The following SBF2 variants were observed in gnomAD, a reference collection of about 807,000 sequenced individuals.
SBF2 encodes the protein myotubularin-related protein 13.
Under a neutral mutation model 225.2 loss-of-function variants are expected in SBF2, and 112 were observed. The observed-to-expected ratio is 0.50, with a 90% CI of 0.43 to 0.58. SBF2 has a LOEUF of 0.58. Among genes scored for constraint, SBF2 ranks in the 20% least tolerant of loss-of-function variants. The pLI, the probability that SBF2 is intolerant of heterozygous loss-of-function variation, is 0.00. For synonymous variants in SBF2, 763 were observed against 773.3 expected (o/e 0.99, Z 0.22); for missense variants, 1,996 against 2,206.2 (o/e 0.90, Z 1.91).
In SBF2 at chr11:9,918,293, T is replaced by TC. The variant is rs543569322; in HGVS notation, c.1861-22283dup. ...TACAAATCAGATTGCTTCTCTGTTT[T>TC]CCCCCCCATCCTCCTATTTTTAGCT... On this transcript the variant is annotated intron_variant, in intron 16 of 39. Coordinates refer to ENST00000256190, the MANE Select transcript of SBF2 (RefSeq NM_030962.4). Among the ~76,000 whole-genome samples the TC allele has an allele frequency of 2.2e-4, 33 of 152,040 alleles. 1 individual carries two copies. Among genetic ancestry groups the TC allele is most frequent in the Non-Finnish European group, 3.4e-4 (23 of 68,006 alleles).
At chr11:10,081,427 CA>C (rs1201597108) in intron 2 of SBF2, among the ~76,000 whole-genome samples, 2 of 152,184 alleles carry the variant, frequency 1.3e-5, no homozygotes, top group East Asian at 3.9e-4. Context: ...ACAGCAAAAG[CA>C]GTGCTAAGAG....
chr11:9,894,924 A>G (rs879636915), intron 17 of SBF2, among the ~76,000 whole-genome samples: 1 of 151,664 alleles, frequency 6.6e-6, no homozygotes, highest in Admixed American at 6.6e-5. Context: ...GGAGGTTGCA[A>G]TGAGCCGAGA....
rs1378054660 is a variant in SBF2, at chr11:9,829,424, A to G, written c.3725T>C (p.Val1242Ala). ...EKYLQALLNA[V>A]SVHQKLRGNS... Reference sequence around the variant, plus strand: ...GCCTCTGAGTTTCTGATGGACAGAAACAGCATTCAGTAAGGCTTGCAAGTA... The same window carrying G: ...GCCTCTGAGTTTCTGATGGACAGAAGCAGCATTCAGTAAGGCTTGCAAGTA... The change falls in exon 28 of 40, where the codon GTT becomes GCT. Residue 1242 changes from valine (V) to alanine (A), a missense_variant. By Grantham distance (64) the Val-to-Ala change is moderately conservative. Transcript: ENST00000256190. The G allele has an allele frequency of 3.7e-6, 6 of 1,613,922 alleles. No homozygotes were observed. Among genetic ancestry groups the G allele is most frequent in the Non-Finnish European group, 5.1e-6 (6 of 1,179,772 alleles).
At chr11:10,255,548 T>A (rs942703963) in intron 1 of SBF2, among the ~76,000 whole-genome samples, 1 of 152,226 alleles carries the variant, frequency 6.6e-6, no homozygotes, top group Non-Finnish European at 1.5e-5. Flanking sequence ...ATATTCGTTT[T>A]ACATAAACAA....
chr11:10,148,563 C>T (rs953214526), intron 2 of SBF2, among the ~76,000 whole-genome samples: 2 of 151,860 alleles, frequency 1.3e-5, no homozygotes, highest in African/African-American at 4.8e-5. Context: ...AGGAAGATTA[C>T]CAAAGGTCCC....
At chr11:10,137,479 T>C (rs188180942) in intron 2 of SBF2, among the ~76,000 whole-genome samples, 46 of 152,308 alleles carry the variant, frequency 3.0e-4, no homozygotes, top group African/African-American at 1.1e-3. Flanking sequence ...TTCTCAATCT[T>C]AGGGGGAAAG....
chr11:9,836,281 T>C (rs576644142), intron 26 of SBF2, among the ~76,000 whole-genome samples: 65 of 152,302 alleles, frequency 4.3e-4, no homozygotes, highest in South Asian at 1.0e-3. Context: ...TATTGTTTTA[T>C]TGTTTTAACC....
chr11:9,879,348 T>G (rs377058510), intron 17 of SBF2, among the ~76,000 whole-genome samples: 87 of 152,360 alleles, frequency 5.7e-4, no homozygotes, highest in African/African-American at 2.0e-3. Context: ...CTTTTCTCAA[T>G]TATGTTATTA....
intron 9 of SBF2, among the ~76,000 whole-genome samples, chr11:9,996,696 CCTT>C (rs1177396019): frequency 6.6e-6 from 1 of 152,092 alleles, no homozygotes; most frequent in African/African-American, 2.4e-5. Flanking sequence ...GCCAAACTCG[CCTT>C]CTTAAACCCA....
chr11:10,137,101 C>T (rs73412874), intron 2 of SBF2, among the ~76,000 whole-genome samples: 1,686 of 152,252 alleles, frequency 0.011, 38 homozygotes, highest in African/African-American at 0.038. Flanking sequence ...GTAGTCTCAG[C>T]ATATAAGTCC....
intron 6 of SBF2, among the ~76,000 whole-genome samples, chr11:10,023,753 T>C (rs1360506798): frequency 6.6e-6 from 1 of 152,228 alleles, no homozygotes; most frequent in Non-Finnish European, 1.5e-5. Context: ...ATATCAAAAT[T>C]TGTTTATCCA....
intron 2 of SBF2, among the ~76,000 whole-genome samples, chr11:10,121,286 A>G (rs988543656): frequency 2.0e-5 from 3 of 152,170 alleles, no homozygotes; most frequent in Non-Finnish European, 4.4e-5. Flanking sequence ...TTCAAGTAAG[A>G]CTGGTTTGCT....
In SBF2 at chr11:10,031,056, T is replaced by C; in HGVS notation, c.394A>G (p.Ile132Val). The C allele has an allele frequency of 1.2e-6, 2 of 1,612,360 alleles. No homozygotes were observed. Among genetic ancestry groups the C allele is most frequent in the Non-Finnish European group, 1.7e-6 (2 of 1,178,696 alleles). The stretch of plus-strand genomic sequence containing the variant: ...AACTATGTGTTCTTTACCCTAAAAA[T>C]TTCTGGATAATATAATCTGGATACC... Reference protein sequence around the residue: ...VLVSRLYYPEIFRACLGLIYT... With the variant: ...VLVSRLYYPEVFRACLGLIYT... The change falls in exon 4 of 40, where the codon ATT becomes GTT. Residue 132 changes from isoleucine to valine, a missense_variant. Physicochemically the swap from Ile to Val is conservative, Grantham distance 29. Transcript: ENST00000256190.
rs1489750344 is a variant in SBF2 at position 10,029,870 on chromosome 11, G to T, written c.408C>A (p.Cys136Ter). Residue 136 changes from cysteine (C) to a stop codon, truncating the protein, a stop_gained, in exon 5 of 40, where the codon TGC (cysteine) becomes TGA (stop). Coordinates refer to ENST00000256190, the MANE Select transcript of SBF2 (RefSeq NM_030962.4). LOFTEE classifies it high-confidence loss of function. ...RLYYPEIFRA[C>*]LGLIYTVYVD... Reference sequence around the variant, plus strand: ...CATACACGGTATAGATCAAACCCAGGCAAGCCTGCAAAAAGATAAATACAT... The same window carrying T: ...CATACACGGTATAGATCAAACCCAGTCAAGCCTGCAAAAAGATAAATACAT... 6.2e-7 allele frequency: 1 copy of T among 1,602,698 alleles called. No individual in the cohort carries two copies. The highest frequency in any genetic ancestry group is 8.5e-7 in the Non-Finnish European group (1 of 1,169,870).
intron 6 of SBF2, among the ~76,000 whole-genome samples, chr11:10,010,560 T>C (rs368455953): frequency 1.4e-4 from 22 of 152,302 alleles, no homozygotes; most frequent in African/African-American, 4.8e-4. Context: ...ATGTATGGTG[T>C]TATTTCTGAG....
chr11:9,886,905 GTT>G (rs1268594175), intron 17 of SBF2, among the ~76,000 whole-genome samples: 3 of 152,006 alleles, frequency 2.0e-5, no homozygotes, highest in Admixed American at 2.0e-4. Flanking sequence ...GCTATAATTT[GTT>G]TGACTAATCT....
chr11:9,990,660 A>C (rs1227390448), intron 12 of SBF2, among the ~76,000 whole-genome samples: 5 of 152,234 alleles, frequency 3.3e-5, no homozygotes, highest in Non-Finnish European at 7.3e-5. Context: ...AGAGAACTGG[A>C]TGAACACTAA....
At chr11:9,922,120 C>A (rs899948810) in intron 16 of SBF2, among the ~76,000 whole-genome samples, 1 of 151,854 alleles carries the variant, frequency 6.6e-6, no homozygotes, top group Non-Finnish European at 1.5e-5. Flanking sequence ...GTGGTGCGCA[C>A]CTGCAGTCCT....
intron 2 of SBF2, among the ~76,000 whole-genome samples, chr11:10,186,951 A>T (rs188224049): frequency 6.6e-6 from 1 of 152,196 alleles, no homozygotes; most frequent in Non-Finnish European, 1.5e-5. Flanking sequence ...TAAGGGAAAC[A>T]ATCTTTGGAT....
Sources: gnomAD v4.1 joint callset for allele counts (sites outside exome capture counted in the v4.1 genomes callset) on GRCh38, gnomAD v4.1.1 for gene constraint, MANE v1.5 for transcripts, NCBI Gene and HGNC (gene_info 2026-07-23, HGNC 2026-07-21) for gene names.